SOS2: variants seen among roughly 807,000 people sequenced by gnomAD.
The protein encoded by SOS2 is SOS Ras/Rho guanine nucleotide exchange factor 2, also known as son of sevenless homolog 2.
SOS2 carries 65 observed loss-of-function variants against 148.2 expected under a neutral mutation model. That is an observed-to-expected ratio of 0.44 (90% CI 0.36 to 0.54). The LOEUF is 0.54. SOS2 is among the 20% of genes least tolerant of loss of function. SOS2 has a pLI of 0.00. For synonymous variants in SOS2, 539 were observed against 537.1 expected (o/e 1.00, Z -0.05); for missense variants, 1,341 against 1,590.2 (o/e 0.84, Z 2.67).
chr14:50,160,007 T>G lies in SOS2; in HGVS notation c.1276A>C (p.Asn426His). The stretch of plus-strand genomic sequence containing the variant: ...TCTTTGCCTTCCCATCCATCGATAT[T>G]TTTCTGAATTTCATTCATTTTTTTG... ...AIKKMNEIQK[N>H]IDGWEGKDIG... Residue 426 changes from asparagine to histidine, a missense_variant, in exon 10 of 23, where the codon AAT becomes CAT. This residue lies in a region of SOS2 where 574 missense variants were observed against 711.1 expected (regional missense o/e 0.81). Transcript: ENST00000216373. 6.2e-7 allele frequency: 1 copy of G among 1,614,112 alleles called. No homozygotes were observed. Among genetic ancestry groups the G allele is most frequent in the South Asian group, 1.1e-5 (1 of 91,078 alleles).
chr14:50,199,654 C>T lies in SOS2; in HGVS notation c.510+37G>A, dbSNP rs370118767. ...ATTGAGGCAGAAATTAGTATAGTTG[C>T]TATTCAAGTTAAATTTAAATACCTT... On this transcript the variant is annotated intron_variant, in intron 4 of 22. Transcript: ENST00000216373. 10 of 1,262,432 alleles carry T rather than the reference C, an allele frequency of 7.9e-6. No individual in the cohort carries two copies. The African/African-American group carries it at 1.4e-4, about 17-fold the overall frequency. The allele number at this position is 1,262,432 out of a possible 1,614,324, so 78.2% of individuals were successfully genotyped here. A position where few individuals can be genotyped will look rare whatever the true frequency, so the allele number is the denominator to read the frequency against.
intron 1 of SOS2, 107 bp downstream of exon 1, chr14:50,231,090 C>T (rs752799228): frequency 4.7e-6 from 3 of 641,616 alleles, no homozygotes; most frequent in Non-Finnish European, 6.7e-6. Flanking sequence ...CAACGAGAAA[C>T]GGCTCGGCCC....
intron 12 of SOS2, 98 bp downstream of exon 12, chr14:50,156,901 T>G: frequency 1.6e-6 from 1 of 643,510 alleles, no homozygotes. Flanking sequence ...GCTGAGAGCT[T>G]TTGTGTTAAC....
chr14:50,214,970 G>A (rs1178346828), intron 1 of SOS2, among the ~76,000 whole-genome samples: 2 of 151,438 alleles, frequency 1.3e-5, no homozygotes, highest in Non-Finnish European at 2.9e-5. Context: ...CGAGTAGCTG[G>A]GACTATAGGT....
At position 50,172,419 on chromosome 14, in the gene SOS2, C is replaced by CTTTTTTTTTTTTTTTTTTT. The variant is rs768766517; in HGVS notation, c.1068+2034_1068+2035insAAAAAAAAAAAAAAAAAAA. Among the ~76,000 whole-genome samples the CTTTTTTTTTTTTTTTTTTT allele has an allele frequency of 1.1e-3, 91 of 82,746 alleles. 12 individuals carry two copies. The highest frequency in any genetic ancestry group is 0.01 in the Middle Eastern group (1 of 100). The allele number at this position is 82,746 out of a possible 152,430, so 54.3% of individuals were successfully genotyped here. On this transcript the variant is annotated intron_variant, in intron 8 of 22. Transcript: ENST00000216373. ...ATGGGTAGTTTCTCTTTATTCATTC[C>CTTTTTTTTTTTTTTTTTTT]TTTTTTTTTTTTTTCTGAGATGGAG...
chr14:50,149,678 T>C (rs1415282201), intron 14 of SOS2, among the ~76,000 whole-genome samples: 1 of 152,196 alleles, frequency 6.6e-6, no homozygotes. Context: ...TTCACTTAGC[T>C]GCTAAGGGCC....
intron 8 of SOS2, among the ~76,000 whole-genome samples, chr14:50,171,400 A>G (rs190781754): frequency 6.6e-6 from 1 of 152,104 alleles, no homozygotes; most frequent in South Asian, 2.1e-4. Flanking sequence ...AAAATCCAAC[A>G]GTCAGCCAGG....
chr14:50,127,801 C>T (rs1228838622), intron 21 of SOS2, among the ~76,000 whole-genome samples: 2 of 152,080 alleles, frequency 1.3e-5, no homozygotes, highest in Non-Finnish European at 2.9e-5. Flanking sequence ...TAGAATAGTG[C>T]CTGCACATTA....
chr14:50,219,279 A>G (rs1262321858), intron 1 of SOS2, among the ~76,000 whole-genome samples: 2 of 152,234 alleles, frequency 1.3e-5, no homozygotes, highest in Non-Finnish European at 2.9e-5. Flanking sequence ...AACTAAATGT[A>G]CATAAATAAG....
intron 2 of SOS2, among the ~76,000 whole-genome samples, chr14:50,203,919 A>C (rs1364101712): frequency 6.6e-6 from 1 of 152,018 alleles, no homozygotes; most frequent in Non-Finnish European, 1.5e-5. Flanking sequence ...CCTCTCTAAA[A>C]AATATGTGCC....
intron 1 of SOS2, among the ~76,000 whole-genome samples, chr14:50,227,337 C>T (rs990223268): frequency 2.7e-5 from 4 of 150,658 alleles, no homozygotes; most frequent in Non-Finnish European, 4.4e-5. Flanking sequence ...CTCTGCCTCC[C>T]ATGTTCAAGA....
At chr14:50,178,004 A>G (rs551771407) in intron 7 of SOS2, among the ~76,000 whole-genome samples, 4 of 152,222 alleles carry the variant, frequency 2.6e-5, no homozygotes, top group Non-Finnish European at 4.4e-5. Flanking sequence ...AGGAGAGCAC[A>G]GAACAGAAAA....
At position 50,161,154 on chromosome 14, in the gene SOS2, A is replaced by G. The variant is rs182290706; in HGVS notation, c.1196+328T>C. On this transcript the variant is annotated intron_variant, in intron 9 of 22. Coordinates refer to ENST00000216373, the MANE Select transcript of SOS2 (RefSeq NM_006939.4). ...CTAAAAATACAAAAATTAGCTGGGCATGGTGGTGGGCTCCTGTAGTTCCAG... is the reference window on the plus strand; with the variant it reads ...CTAAAAATACAAAAATTAGCTGGGCGTGGTGGTGGGCTCCTGTAGTTCCAG... Among the ~76,000 whole-genome samples, 28 of 151,984 alleles carry G rather than the reference A, an allele frequency of 1.8e-4. No homozygotes were observed. The East Asian group carries it at 5.2e-3, about 28-fold the overall frequency.
chr14:50,172,229 G>C lies in SOS2; in HGVS notation c.1068+2225C>G, dbSNP rs115733153. ...TGAATACACATTTACTGCCATTTTG[G>C]ATATCCTGTTTTGTGAAGTGATTCA... is the stretch of plus-strand genomic sequence containing the variant. On this transcript the variant is annotated intron_variant, in intron 8 of 22. Coordinates refer to ENST00000216373, the MANE Select transcript of SOS2 (RefSeq NM_006939.4). Among the ~76,000 whole-genome samples, 394 of 152,108 alleles carry C rather than the reference G, an allele frequency of 2.6e-3. 1 individual carries two copies. The highest frequency in any genetic ancestry group is 8.9e-3 in the African/African-American group (371 of 41,500).
intron 1 of SOS2, among the ~76,000 whole-genome samples, chr14:50,220,261 C>T (rs1887160660): frequency 6.7e-6 from 1 of 150,228 alleles, no homozygotes; most frequent in African/African-American, 2.4e-5. Flanking sequence ...AAAAACTTAG[C>T]TGGGCGTGGT....
At chr14:50,128,887 T>C (rs1883773295) in intron 21 of SOS2, among the ~76,000 whole-genome samples, 1 of 152,234 alleles carries the variant, frequency 6.6e-6, no homozygotes, top group African/African-American at 2.4e-5. Context: ...CCCAAAGTGG[T>C]AGGATTACAG....
intron 8 of SOS2, among the ~76,000 whole-genome samples, chr14:50,163,938 T>C (rs1013248259): frequency 6.6e-6 from 1 of 152,166 alleles, no homozygotes; most frequent in African/African-American, 2.4e-5. Context: ...AATTATAAGC[T>C]GTAAAGGAGA....
intron 8 of SOS2, among the ~76,000 whole-genome samples, chr14:50,174,184 T>A (rs1375770629): frequency 2.1e-5 from 2 of 94,438 alleles, no homozygotes; most frequent in African/African-American, 3.1e-5. Flanking sequence ...TCATTTTTTT[T>A]AAGTTATATA....
At chr14:50,214,493 A>G (rs544269509) in intron 1 of SOS2, among the ~76,000 whole-genome samples, 1 of 152,116 alleles carries the variant, frequency 6.6e-6, no homozygotes, top group Non-Finnish European at 1.5e-5. Context: ...TAATAGATCA[A>G]TCGACTTTTA....
Sources: allele counts gnomAD v4.1 joint callset (sites outside exome capture counted in the v4.1 genomes callset), GRCh38; gene constraint gnomAD v4.1.1; regional missense constraint gnomAD v4.1.1; transcripts MANE v1.5; gene names NCBI Gene and HGNC (gene_info 2026-07-23, HGNC 2026-07-21).